HYCC2: variants seen among roughly 807,000 people sequenced by gnomAD.
HYCC2 encodes the protein hyccin PI4KA lipid kinase complex subunit 2.
chr2:201,001,493 ATAT>A, the HYCC2 span, among the ~76,000 whole-genome samples: 2 of 152,200 alleles, frequency 1.3e-5, no homozygotes, highest in African/African-American at 4.8e-5. Flanking sequence ...ACACAATGAA[ATAT>A]TATTTAGTTA....
chr2:201,001,565 G>C, the HYCC2 span, among the ~76,000 whole-genome samples: 1 of 152,132 alleles, frequency 6.6e-6, no homozygotes, highest in Non-Finnish European at 1.5e-5. Flanking sequence ...CATGCTAAGT[G>C]AAAGAAGCCA....
At chr2:201,024,046 GA>G in the HYCC2 span, 1 of 1,543,732 alleles carries the variant, frequency 6.5e-7, no homozygotes, top group Non-Finnish European at 8.9e-7. Context: ...ATCTCTAAAA[GA>G]AAAAAGTATT....
At chr2:200,984,415 G>A in the HYCC2 span, among the ~76,000 whole-genome samples, 52 of 152,314 alleles carry the variant, frequency 3.4e-4, 1 homozygote, top group Admixed American at 3.1e-3. Flanking sequence ...AAAAGTAAGT[G>A]ATGGGCTTAT....
the HYCC2 span, among the ~76,000 whole-genome samples, chr2:201,048,121 G>A: frequency 6.6e-6 from 1 of 152,006 alleles, no homozygotes; most frequent in Non-Finnish European, 1.5e-5. Context: ...GCCTTATAAG[G>A]TTTAAAGGTT....
chr2:200,979,605 TTTGCTAATTAGGAGAATAC>T, the HYCC2 span: 2 of 152,584 alleles, frequency 1.3e-5, no homozygotes, highest in Non-Finnish European at 2.9e-5. Context: ...AATTTTAACT[TTTGCTAATTAGGAGAATAC>T]TTGCTTTCTA....
At chr2:201,060,138 T>C in the HYCC2 span, among the ~76,000 whole-genome samples, 1 of 152,050 alleles carries the variant, frequency 6.6e-6, no homozygotes. Flanking sequence ...TTCCGGTTCT[T>C]AACAGGACCT....
At chr2:201,050,849 C>T in the HYCC2 span, among the ~76,000 whole-genome samples, 5 of 152,042 alleles carry the variant, frequency 3.3e-5, no homozygotes, top group African/African-American at 9.6e-5. Flanking sequence ...GCAGGAGAAT[C>T]GCTTGAACCC....
the HYCC2 span, among the ~76,000 whole-genome samples, chr2:201,054,440 T>C: frequency 6.6e-6 from 1 of 152,216 alleles, no homozygotes; most frequent in Non-Finnish European, 1.5e-5. Context: ...TCCTAAGCCC[T>C]TTTGACATAA....
At chr2:200,997,527 T>C in the HYCC2 span, 5 of 1,611,408 alleles carry the variant, frequency 3.1e-6, no homozygotes, top group Non-Finnish European at 4.2e-6. Context: ...ATGAGAAAAC[T>C]CAGGACTTCA....
chr2:201,058,453 G>C, the HYCC2 span, among the ~76,000 whole-genome samples: 2 of 152,274 alleles, frequency 1.3e-5, no homozygotes, highest in Non-Finnish European at 2.9e-5. Context: ...GCTCACGCCT[G>C]TAATCCCAGC....
the HYCC2 span, among the ~76,000 whole-genome samples, chr2:201,003,354 C>T: frequency 6.6e-6 from 1 of 152,142 alleles, no homozygotes; most frequent in South Asian, 2.1e-4. Flanking sequence ...CAGCCCAAGA[C>T]TTATTCTTTA....
the HYCC2 span, among the ~76,000 whole-genome samples, chr2:201,012,946 A>C: frequency 8.7e-6 from 1 of 114,298 alleles, no homozygotes; most frequent in South Asian, 2.5e-4. Context: ...ACTTCGTTTC[A>C]AAAAATACAC....
At chr2:201,031,623 C>T in the HYCC2 span, among the ~76,000 whole-genome samples, 2 of 152,124 alleles carry the variant, frequency 1.3e-5, no homozygotes, top group African/African-American at 4.8e-5. Flanking sequence ...TGCACTCTAG[C>T]GTGGGCGACA....
the HYCC2 span, among the ~76,000 whole-genome samples, chr2:201,003,567 G>C: frequency 2.0e-5 from 3 of 151,848 alleles, no homozygotes; most frequent in Non-Finnish European, 4.4e-5. Flanking sequence ...AAATTAGCCA[G>C]GCATGGTGGC....
chr2:201,002,028 G>T, the HYCC2 span, among the ~76,000 whole-genome samples: 1 of 151,778 alleles, frequency 6.6e-6, no homozygotes, highest in Non-Finnish European at 1.5e-5. Context: ...AAAAATAAAT[G>T]TAAAGTCAAT....
chr2:201,049,612 C>A, the HYCC2 span, among the ~76,000 whole-genome samples: 1 of 152,006 alleles, frequency 6.6e-6, no homozygotes, highest in African/African-American at 2.4e-5. Flanking sequence ...CTTGGCCTTC[C>A]AAAGTGCTGA....
At chr2:201,064,345 G>C in the HYCC2 span, among the ~76,000 whole-genome samples, 1 of 152,040 alleles carries the variant, frequency 6.6e-6, no homozygotes, top group Non-Finnish European at 1.5e-5. Flanking sequence ...ATTGCTAAAT[G>C]TAATAGTCTG....
the HYCC2 span, chr2:201,011,379 C>T: frequency 2.8e-6 from 4 of 1,445,786 alleles, no homozygotes; most frequent in Non-Finnish European, 3.8e-6. Context: ...TCCACCTTTC[C>T]AATGTTACTT....
At chr2:201,026,935 G>A in the HYCC2 span, among the ~76,000 whole-genome samples, 1 of 152,244 alleles carries the variant, frequency 6.6e-6, no homozygotes, top group East Asian at 1.9e-4. Flanking sequence ...ACATTCAAAA[G>A]CTAGCAGAAG....
Sources: gnomAD v4.1 joint callset for allele counts (sites outside exome capture counted in the v4.1 genomes callset) on GRCh38, gnomAD v4.1.1 for gene constraint, MANE v1.5 for transcripts, NCBI Gene and HGNC (gene_info 2026-07-23, HGNC 2026-07-21) for gene names.